SPAG16: variants seen among roughly 807,000 people sequenced by gnomAD.
SPAG16 encodes sperm-associated antigen 16 protein.
Under a neutral mutation model 80.4 loss-of-function variants are expected in SPAG16, and 86 were observed. That is an observed-to-expected ratio of 1.07 (90% confidence interval 0.90 to 1.28). The LOEUF (loss-of-function observed/expected upper bound fraction) is 1.28. Among genes scored for constraint, SPAG16 ranks in the 50% most tolerant of loss-of-function variants. The pLI is 0.00. For synonymous variants in SPAG16, 294 were observed against 265.9 expected (o/e 1.11, Z -1.03); for missense variants, 870 against 765.3 (o/e 1.14, Z -1.61).
chr2:214,314,370 T>C (rs1265946193), intron 15 of SPAG16, among the ~76,000 whole-genome samples: 1 of 152,236 alleles, frequency 6.6e-6, no homozygotes, highest in Non-Finnish European at 1.5e-5. Flanking sequence ...AAAAGTGCTT[T>C]GGGAAACCCC....
At chr2:213,591,005 C>T (rs2060670486) in intron 10 of SPAG16, among the ~76,000 whole-genome samples, 1 of 152,148 alleles carries the variant, frequency 6.6e-6, no homozygotes, top group African/African-American at 2.4e-5. Flanking sequence ...AACATGGATG[C>T]AGCTGGAGGC....
intron 13 of SPAG16, among the ~76,000 whole-genome samples, chr2:214,030,839 C>G (rs1272108360): frequency 1.3e-5 from 2 of 152,226 alleles, no homozygotes. Context: ...CTCTGTTTCT[C>G]TGCCTAAGGC....
At chr2:213,305,555 T>C (rs754742418) in intron 3 of SPAG16, among the ~76,000 whole-genome samples, 2 of 152,180 alleles carry the variant, frequency 1.3e-5, no homozygotes, top group Non-Finnish European at 2.9e-5. Flanking sequence ...TTTTGAGGGT[T>C]TCTATCATGA....
intron 9 of SPAG16, among the ~76,000 whole-genome samples, chr2:213,448,323 A>C (rs1185150968): frequency 6.6e-6 from 1 of 152,214 alleles, no homozygotes; most frequent in Non-Finnish European, 1.5e-5. Flanking sequence ...TTATCCTTGG[A>C]GATAACTAAA....
chr2:213,606,384 A>C (rs2061261138), intron 10 of SPAG16, among the ~76,000 whole-genome samples: 2 of 152,244 alleles, frequency 1.3e-5, no homozygotes, highest in Admixed American at 1.3e-4. Context: ...GCAATGGATC[A>C]AAGTTCTAGC....
intron 11 of SPAG16, among the ~76,000 whole-genome samples, chr2:213,868,878 C>T (rs1432021689): frequency 2.0e-5 from 3 of 152,112 alleles, no homozygotes; most frequent in Admixed American, 2.0e-4. Context: ...GTACAGGCTA[C>T]CTATTCACAT....
chr2:213,878,826 A>G (rs974123432), intron 11 of SPAG16, among the ~76,000 whole-genome samples: 42 of 152,066 alleles, frequency 2.8e-4, no homozygotes, highest in Admixed American at 1.3e-4. Context: ...ATTTTTGTAT[A>G]TGGTGGGAGA....
chr2:214,108,479 A>ACACACACACCCC (rs71409874), intron 14 of SPAG16, among the ~76,000 whole-genome samples: 2 of 52,374 alleles, frequency 3.8e-5, no homozygotes, highest in East Asian at 3.5e-4. Flanking sequence ...ACACACACAC[A>ACACACACACCCC]CCCCCACACA....
intron 10 of SPAG16, among the ~76,000 whole-genome samples, chr2:213,500,413 T>A (rs922998589): frequency 1.3e-5 from 2 of 152,168 alleles, no homozygotes; most frequent in South Asian, 2.1e-4. Context: ...AAGAATATAA[T>A]TGGGTCATAT....
chr2:213,472,123 G>A (rs1337490583), intron 9 of SPAG16, among the ~76,000 whole-genome samples: 1 of 152,252 alleles, frequency 6.6e-6, no homozygotes, highest in South Asian at 2.1e-4. Flanking sequence ...AGCGATCAAG[G>A]TGTCTCCGAA....
chr2:213,927,523 C>A (rs1575573577), intron 11 of SPAG16, among the ~76,000 whole-genome samples: 1 of 152,040 alleles, frequency 6.6e-6, no homozygotes, highest in East Asian at 1.9e-4. Flanking sequence ...AAGGCAAAAC[C>A]ATTTCAAAAG....
intron 12 of SPAG16, among the ~76,000 whole-genome samples, chr2:213,953,159 A>G (rs1488995886): frequency 1.3e-5 from 2 of 152,046 alleles, no homozygotes; most frequent in Non-Finnish European, 2.9e-5. Flanking sequence ...TTTTTCAACA[A>G]AGCAATGTTT....
At chr2:214,340,160 T>A (rs1474840212) in intron 15 of SPAG16, among the ~76,000 whole-genome samples, 1 of 152,222 alleles carries the variant, frequency 6.6e-6, no homozygotes, top group Non-Finnish European at 1.5e-5. Context: ...CCCTCATCTC[T>A]CATGGGTGTC....
intron 10 of SPAG16, among the ~76,000 whole-genome samples, chr2:213,664,822 C>T (rs2063545013): frequency 1.5e-5 from 2 of 135,270 alleles, no homozygotes; most frequent in African/African-American, 3.0e-5. Flanking sequence ...TGTCTGTATG[C>T]ATGCATATAT....
At chr2:213,763,319 T>C (rs1167435829) in intron 10 of SPAG16, among the ~76,000 whole-genome samples, 1 of 152,190 alleles carries the variant, frequency 6.6e-6, no homozygotes, top group East Asian at 1.9e-4. Flanking sequence ...ATTGAAGAGA[T>C]ATTTGTATTC....
chr2:214,317,949 A>G (rs1357863441), intron 15 of SPAG16, among the ~76,000 whole-genome samples: 1 of 152,264 alleles, frequency 6.6e-6, no homozygotes, highest in Non-Finnish European at 1.5e-5. Context: ...GCCTTCAAGT[A>G]TCTTGACAAA....
At chr2:213,387,364 CT>C (rs2067479549) in intron 9 of SPAG16, among the ~76,000 whole-genome samples, 1 of 135,552 alleles carries the variant, frequency 7.4e-6, no homozygotes, top group African/African-American at 2.9e-5. Flanking sequence ...GGGCTGCTAA[CT>C]TGTTTCTTCC....
chr2:213,730,176 C>A (rs1000941973), intron 10 of SPAG16, among the ~76,000 whole-genome samples: 1 of 152,140 alleles, frequency 6.6e-6, no homozygotes, highest in Non-Finnish European at 1.5e-5. Flanking sequence ...AGAGGAATCC[C>A]ATTTCTAATA....
chr2:213,660,453 G>A (rs948405496), intron 10 of SPAG16, among the ~76,000 whole-genome samples: 1 of 152,236 alleles, frequency 6.6e-6, no homozygotes. Context: ...GAAAAGCTGA[G>A]TGTTGGGAAA....
Sources: gnomAD v4.1 joint callset for allele counts (sites outside exome capture counted in the v4.1 genomes callset) on GRCh38, gnomAD v4.1.1 for gene constraint, MANE v1.5 for transcripts, NCBI Gene and HGNC (gene_info 2026-07-23, HGNC 2026-07-21) for gene names.